The following SULF1 variants were observed in gnomAD, a reference collection of about 807,000 sequenced individuals.
The protein encoded by SULF1 is extracellular sulfatase Sulf-1.
SULF1 carries 46 observed loss-of-function variants against 110.5 expected under a neutral mutation model. The ratio of observed to expected loss-of-function variants is 0.42; its 90% CI spans 0.33 to 0.53. The LOEUF is 0.53. Among genes scored for constraint, SULF1 ranks in the 20% least tolerant of loss-of-function variants. The pLI, the probability that SULF1 is intolerant of heterozygous loss-of-function variation, is 0.12. For missense variants in SULF1, 941 were observed against 1,094.2 expected, an observed-to-expected ratio of 0.86 and a Z score of 1.98; for synonymous variants, 371 against 387.1, an observed-to-expected ratio of 0.96 and a Z score of 0.49.
chr8:69,564,610 T>G (rs770668717), intron 5 of SULF1, among the ~76,000 whole-genome samples: 1 of 152,230 alleles, frequency 6.6e-6, no homozygotes, highest in Non-Finnish European at 1.5e-5. Flanking sequence ...GTTAGGTAAT[T>G]CAAAGTTGCA....
At chr8:69,651,335 G>A (rs1404834728) in intron 22 of SULF1, among the ~76,000 whole-genome samples, 2 of 152,094 alleles carry the variant, frequency 1.3e-5, no homozygotes, top group Non-Finnish European at 2.9e-5. Flanking sequence ...TTACAGGCAT[G>A]AGCCACCGCG....
intron 6 of SULF1, among the ~76,000 whole-genome samples, chr8:69,585,642 G>A (rs562683403): frequency 6.6e-6 from 1 of 152,230 alleles, no homozygotes; most frequent in Admixed American, 6.5e-5. Flanking sequence ...GAACTGTGGT[G>A]TCTTTGTGAC....
At chr8:69,600,513 C>A (rs1434274626) in intron 8 of SULF1, 90 bp from the exon 9 acceptor site, 2 of 1,274,588 alleles carry the variant, frequency 1.6e-6, no homozygotes, top group Non-Finnish European at 2.2e-6. Flanking sequence ...TCAATTATCT[C>A]TCCTTAATGA....
rs1204093399 is a variant in SULF1 at position 69,563,623 on chromosome 8, C to T, written c.-61+12C>T. 2.9e-5 allele frequency: 6 copies of T among 208,374 alleles called. No homozygotes were observed. Among genetic ancestry groups the T allele is most frequent in the South Asian group, 1.9e-4 (2 of 10,276 alleles). 12.9% of individuals were successfully genotyped at this position (208,374 alleles called of 1,614,324 possible). On this transcript the variant is annotated intron_variant, in intron 4 of 22. Transcript: ENST00000402687. Reference sequence around the variant, plus strand: ...ATACCTAATTCAAGGTATTAGCTCTCGTCAGAAAGCTTTTACATTTGAGCT... The same window carrying T: ...ATACCTAATTCAAGGTATTAGCTCTTGTCAGAAAGCTTTTACATTTGAGCT...
chr8:69,486,785 GGAACAACT>G (rs1254461965), intron 1 of SULF1, among the ~76,000 whole-genome samples: 1 of 152,122 alleles, frequency 6.6e-6, no homozygotes, highest in African/African-American at 2.4e-5. Context: ...TGAGAGGGTT[GGAACAACT>G]CCCCCGCCCC....
chr8:69,514,151 A>G (rs1899273), intron 3 of SULF1, among the ~76,000 whole-genome samples: 79,828 of 152,048 alleles, frequency 0.53, 21,661 homozygotes, highest in South Asian at 0.65. Context: ...ATCACCTTGT[A>G]TTAGTCCATT....
chr8:69,604,822 G>A lies in SULF1; in HGVS notation c.1267G>A (p.Glu423Lys), dbSNP rs1808104545. 1 of 1,613,970 alleles carries A rather than the reference G, an allele frequency of 6.2e-7. No individual in the cohort carries two copies. The part of the protein sequence containing the change: ...VERGKFLRKK[E>K]ESSKNIQQSN... ...TCGAAGCAAATTTCTACGTAAGAAGGAAGAATCCAGCAAGAATATCCAACA... is the reference window on the plus strand; with the variant it reads ...TCGAAGCAAATTTCTACGTAAGAAGAAAGAATCCAGCAAGAATATCCAACA... Residue 423 changes from glutamate (E) to lysine (K), a missense_variant, in exon 13 of 23, where the codon GAA (glutamate) becomes AAA (lysine). Glu to Lys is a moderately conservative substitution (Grantham distance 56). Coordinates refer to ENST00000402687, the MANE Select transcript of SULF1 (RefSeq NM_001128205.2).
chr8:69,489,569 C>CCCTTT (rs1563461557), upstream of SULF1, among the ~76,000 whole-genome samples: 1 of 135,156 alleles, frequency 7.4e-6, no homozygotes, highest in African/African-American at 2.8e-5. Context: ...TTCTTTCTTT[C>CCCTTT]TCTTTTTTTT....
chr8:69,543,136 A>G (rs1813976685), intron 3 of SULF1, among the ~76,000 whole-genome samples: 1 of 152,112 alleles, frequency 6.6e-6, no homozygotes, highest in Admixed American at 6.6e-5. Context: ...TTTTTTAATT[A>G]CTCTAAAAAC....
chr8:69,650,915 G>A (rs948231565), intron 22 of SULF1, among the ~76,000 whole-genome samples: 10 of 152,100 alleles, frequency 6.6e-5, no homozygotes, highest in Non-Finnish European at 1.2e-4. Flanking sequence ...TCCTTTTAAA[G>A]GGGAATGGCA....
intron 3 of SULF1, among the ~76,000 whole-genome samples, chr8:69,516,768 G>C (rs1333641464): frequency 1.3e-5 from 2 of 152,040 alleles, no homozygotes; most frequent in Non-Finnish European, 2.9e-5. Flanking sequence ...TGTTAAGGAT[G>C]ATAATTTGTA....
At chr8:69,591,268 G>C (rs1460228020) in intron 8 of SULF1, among the ~76,000 whole-genome samples, 1 of 151,966 alleles carries the variant, frequency 6.6e-6, no homozygotes, top group Admixed American at 6.6e-5. Context: ...AAACATCTCT[G>C]TGCTGGCCAG....
At position 69,493,052 on chromosome 8, in the gene SULF1, C is replaced by G. The variant is rs1430691932; in HGVS notation, c.-464C>G. The G allele has an allele frequency of 6.6e-6, 1 of 152,640 alleles. No homozygotes were observed. Among genetic ancestry groups the G allele is most frequent in the Non-Finnish European group, 1.5e-5 (1 of 68,088 alleles). 9.5% of individuals were successfully genotyped at this position (152,640 alleles called of 1,614,324 possible). ...GAGGAGGAAGGAAGTCCCGCTGCCA[C>G]CTTATCTCTGCTCCTCTGCCTCCTC... On this transcript the variant is annotated 5_prime_UTR_variant, in exon 1 of 23. Coordinates refer to ENST00000402687, the MANE Select transcript of SULF1 (RefSeq NM_001128205.2).
At chr8:69,482,529 A>T (rs1203990618) in intron 1 of SULF1, among the ~76,000 whole-genome samples, 1 of 152,006 alleles carries the variant, frequency 6.6e-6, no homozygotes, top group Non-Finnish European at 1.5e-5. Context: ...TTTACTGTCA[A>T]TAGTTCAAGG....
At chr8:69,595,273 G>T (rs1807218018) in intron 8 of SULF1, among the ~76,000 whole-genome samples, 1 of 152,132 alleles carries the variant, frequency 6.6e-6, no homozygotes, top group Non-Finnish European at 1.5e-5. Flanking sequence ...TTGGCCCCAG[G>T]TGATCTTCTC....
At chr8:69,636,123 C>T (rs375748834) in intron 19 of SULF1, among the ~76,000 whole-genome samples, 1 of 152,118 alleles carries the variant, frequency 6.6e-6, no homozygotes, top group African/African-American at 2.4e-5. Flanking sequence ...AGTTTCAGAC[C>T]GTGAATTTTA....
In SULF1 at chr8:69,638,728, T is replaced by C. The variant is rs773498535; in HGVS notation, c.2428-7T>C. On this transcript the variant is annotated splice_region_variant and splice_polypyrimidine_tract_variant and intron_variant, in intron 20 of 22. Coordinates refer to ENST00000402687, the MANE Select transcript of SULF1 (RefSeq NM_001128205.2). The stretch of plus-strand genomic sequence containing the variant: ...GCTTAAATAGATTGTCCTGTCTGCA[T>C]TCACAGCTCACAAATACAGTGCACA... The C allele has an allele frequency of 1.2e-6, 2 of 1,613,696 alleles. No homozygotes were observed. The highest frequency in any genetic ancestry group is 1.7e-6 in the Non-Finnish European group (2 of 1,179,948).
rs1811907518 is a variant in SULF1, at chr8:69,646,342, T to A, written c.2585+5501T>A. Among the ~76,000 whole-genome samples the A allele has an allele frequency of 2.6e-5, 4 of 152,296 alleles. 1 individual carries two copies. In the South Asian group the frequency reaches 8.3e-4, roughly 32 times the overall value. On this transcript the variant is annotated intron_variant, in intron 22 of 22. Transcript: ENST00000402687. ...AACAGTATTACAACACTTACTGTGG[T>A]CCAGCGCTCTTCTGAATGCTTTCGT...
intron 22 of SULF1, among the ~76,000 whole-genome samples, chr8:69,646,410 T>A (rs1811912670): frequency 7.1e-6 from 1 of 141,068 alleles, no homozygotes; most frequent in African/African-American, 2.7e-5. Flanking sequence ...GTGAGGTCAG[T>A]ACTATTATTA....
Sources: gnomAD v4.1 joint callset for allele counts (sites outside exome capture counted in the v4.1 genomes callset) on GRCh38, gnomAD v4.1.1 for gene constraint, MANE v1.5 for transcripts, NCBI Gene and HGNC (gene_info 2026-07-23, HGNC 2026-07-21) for gene names.